Variants in ZNF536 observed in about 807,000 individuals in gnomAD.
ZNF536 encodes the protein zinc finger protein 536.
A neutral mutation model predicts 84.5 loss-of-function variants in ZNF536; 13 were observed. The observed-to-expected ratio is 0.15, with a 90% CI of 0.10 to 0.24. The LOEUF is 0.24. Among genes scored for constraint, ZNF536 ranks in the 10% least tolerant of loss-of-function variants. ZNF536 has a pLI of 1.00. For synonymous variants in ZNF536, 811 were observed against 742.5 expected (o/e 1.09, Z -1.50); for missense variants, 1,536 against 1,747.5 (o/e 0.88, Z 2.16).
intron 3 of ZNF536, among the ~76,000 whole-genome samples, chr19:30,356,804 G>T (rs1000475099): frequency 6.6e-6 from 1 of 152,234 alleles, no homozygotes; most frequent in Non-Finnish European, 1.5e-5. Flanking sequence ...CTAGCAGGTA[G>T]TAGATAGTAT....
chr19:30,618,116 T>G (rs11084558), intron 1 of ZNF536, among the ~76,000 whole-genome samples: 17,111 of 152,248 alleles, frequency 0.11, 1,025 homozygotes, highest in Middle Eastern at 0.15. Flanking sequence ...TGGTGATTTC[T>G]GCTTTTTAAT....
intron 2 of ZNF536, among the ~76,000 whole-genome samples, chr19:30,505,773 C>T (rs997717390): frequency 6.6e-6 from 1 of 151,954 alleles, no homozygotes; most frequent in Non-Finnish European, 1.5e-5. Context: ...TCAAGTGATT[C>T]TCCTGCCTCA....
At chr19:30,585,236 G>A (rs879436299) in intron 1 of ZNF536, among the ~76,000 whole-genome samples, 4 of 152,218 alleles carry the variant, frequency 2.6e-5, no homozygotes, top group Admixed American at 1.3e-4. Context: ...ACGTTGGTAG[G>A]AACAGAAAGT....
intron 1 of ZNF536, among the ~76,000 whole-genome samples, chr19:30,375,800 C>T (rs930142120): frequency 6.6e-6 from 1 of 152,152 alleles, no homozygotes; most frequent in African/African-American, 2.4e-5. Flanking sequence ...TGAGTGCTTA[C>T]AGGAATGTGG....
chr19:30,675,204 C>A (rs563806216), intron 1 of ZNF536, among the ~76,000 whole-genome samples: 2 of 152,308 alleles, frequency 1.3e-5, no homozygotes, highest in African/African-American at 4.8e-5. Flanking sequence ...GGCCATTAGA[C>A]ACTTCCACAG....
chr19:30,511,163 G>T (rs2055398463), intron 2 of ZNF536, among the ~76,000 whole-genome samples: 1 of 152,170 alleles, frequency 6.6e-6, no homozygotes, highest in Non-Finnish European at 1.5e-5. Flanking sequence ...AGGTGATGTG[G>T]CTTGGCGAGG....
chr19:30,305,619 G>A (rs557790608), intron 2 of ZNF536, among the ~76,000 whole-genome samples: 150 of 152,314 alleles, frequency 9.8e-4, no homozygotes, highest in Non-Finnish European at 1.7e-3. Context: ...CACCAACATT[G>A]GAGGCTGAGA....
rs1568559937 is a variant in ZNF536, at chr19:30,565,707, C to G, written c.169+16193C>G. On this transcript the variant is annotated intron_variant, in intron 1 of 1. Coordinates refer to the ZNF536 transcript ENST00000592773. ...TCACCCCCTCCCACATCCCCACCTTCTGTCATCTCCAATGCCTGCTGTCTG... is the reference window on the plus strand; with the variant it reads ...TCACCCCCTCCCACATCCCCACCTTGTGTCATCTCCAATGCCTGCTGTCTG... Among the ~76,000 whole-genome samples, 7 of 152,328 alleles carry G rather than the reference C, an allele frequency of 4.6e-5. No individual in the cohort carries two copies. The South Asian group carries it at 1.5e-3, about 32-fold the overall frequency.
At chr19:30,337,184 C>G (rs1326765937) in intron 2 of ZNF536, among the ~76,000 whole-genome samples, 4 of 152,104 alleles carry the variant, frequency 2.6e-5, no homozygotes, top group African/African-American at 9.7e-5. Flanking sequence ...TGATGGAAAC[C>G]CCTGCTGAGG....
At chr19:30,332,186 C>T (rs1050047458) in intron 2 of ZNF536, among the ~76,000 whole-genome samples, 6 of 152,102 alleles carry the variant, frequency 3.9e-5, no homozygotes, top group South Asian at 2.1e-4. Flanking sequence ...CTCCTCTTTG[C>T]CCCCCGGCCT....
At chr19:30,502,556 C>T (rs149729498) in intron 2 of ZNF536, among the ~76,000 whole-genome samples, 2 of 152,116 alleles carry the variant, frequency 1.3e-5, no homozygotes, top group Non-Finnish European at 2.9e-5. Context: ...AATGGGAGGG[C>T]GTTACCCTAA....
intron 2 of ZNF536, among the ~76,000 whole-genome samples, chr19:30,459,236 AT>A (rs35590599): frequency 0.32 from 43,599 of 135,962 alleles, 7,071 homozygotes; most frequent in African/African-American, 0.49. Context: ...TATCATTTTC[AT>A]TTTTTTTTTT....
At chr19:30,490,711 G>A (rs2054474038) in intron 2 of ZNF536, among the ~76,000 whole-genome samples, 1 of 152,144 alleles carries the variant, frequency 6.6e-6, no homozygotes, top group Non-Finnish European at 1.5e-5. Context: ...CCAAGATGAT[G>A]ATGTTGTTTG....
chr19:30,499,941 T>C (rs1170211297), intron 2 of ZNF536, among the ~76,000 whole-genome samples: 2 of 152,138 alleles, frequency 1.3e-5, no homozygotes, highest in African/African-American at 4.8e-5. Context: ...TGTGCAAGTC[T>C]AAGTGTGTGG....
intron 2 of ZNF536, among the ~76,000 whole-genome samples, chr19:30,313,737 TG>T (rs1298815423): frequency 1.3e-5 from 2 of 152,176 alleles, no homozygotes; most frequent in Non-Finnish European, 2.9e-5. Flanking sequence ...GAGTGGCCTC[TG>T]GGGGTCCTCA....
chr19:30,259,545 G>A (rs564071187), intron 1 of ZNF536, among the ~76,000 whole-genome samples: 21 of 152,280 alleles, frequency 1.4e-4, no homozygotes, highest in East Asian at 1.2e-3. Flanking sequence ...ACTCTGATGC[G>A]TACTGAGGTG....
intron 3 of ZNF536, among the ~76,000 whole-genome samples, chr19:30,360,243 C>T (rs927976126): frequency 6.6e-6 from 1 of 152,220 alleles, no homozygotes; most frequent in Non-Finnish European, 1.5e-5. Context: ...CCTGTTGGCC[C>T]CTGCCCGGCT....
At chr19:30,700,294 C>G (rs1465245545) in intron 1 of ZNF536, among the ~76,000 whole-genome samples, 1 of 147,016 alleles carries the variant, frequency 6.8e-6, no homozygotes, top group Non-Finnish European at 1.5e-5. Flanking sequence ...CTCTCCCTCC[C>G]TCCTTCCCTC....
chr19:30,572,280 C>T (rs1004818368), intron 1 of ZNF536, among the ~76,000 whole-genome samples: 21 of 152,220 alleles, frequency 1.4e-4, no homozygotes, highest in African/African-American at 5.1e-4. Context: ...AGGCTTATCC[C>T]TCGCACATTC....
Sources: allele counts gnomAD v4.1 joint callset (sites outside exome capture counted in the v4.1 genomes callset), GRCh38; gene constraint gnomAD v4.1.1; transcripts MANE v1.5; gene names NCBI Gene and HGNC (gene_info 2026-07-23, HGNC 2026-07-21).